CRB1: variants seen among roughly 807,000 people sequenced by gnomAD.
The protein encoded by CRB1 is crumbs cell polarity complex component 1.
In CRB1, 83 loss-of-function variants were observed where a neutral mutation model predicts 120.0. That is an observed-to-expected ratio of 0.69 (90% confidence interval 0.58 to 0.83). The LOEUF is 0.83. CRB1 is among the 40% of genes least tolerant of loss of function. The pLI is 0.00. For synonymous variants in CRB1, 625 were observed against 612.5 expected (o/e 1.02, Z -0.30); for missense variants, 1,699 against 1,687.6 (o/e 1.01, Z -0.12).
the CRB1 span, among the ~76,000 whole-genome samples, chr1:197,239,903 A>C: frequency 2.0e-5 from 3 of 149,232 alleles, no homozygotes; most frequent in African/African-American, 7.3e-5. Context: ...ATTATAATTT[A>C]TAATTATTAT....
chr1:197,317,710 A>AT (rs1157253108), intron 1 of CRB1, among the ~76,000 whole-genome samples: 1 of 152,208 alleles, frequency 6.6e-6, no homozygotes, highest in Non-Finnish European at 1.5e-5. Flanking sequence ...CGGCCCACTA[A>AT]TTTTTGACAA....
At chr1:197,403,184 T>C (rs1663155521) in intron 5 of CRB1, among the ~76,000 whole-genome samples, 3 of 152,218 alleles carry the variant, frequency 2.0e-5, no homozygotes, top group South Asian at 2.1e-4. Flanking sequence ...AATGTATGTA[T>C]GTATATGTAT....
At chr1:197,383,912 T>G (rs1189100845) in intron 5 of CRB1, among the ~76,000 whole-genome samples, 1 of 152,204 alleles carries the variant, frequency 6.6e-6, no homozygotes, top group East Asian at 1.9e-4. Context: ...TTATGAACAA[T>G]GGCTACTGAG....
chr1:197,392,111 G>A (rs1662536524), intron 5 of CRB1, among the ~76,000 whole-genome samples: 1 of 151,958 alleles, frequency 6.6e-6, no homozygotes, highest in African/African-American at 2.4e-5. Context: ...CAGCTGGGTA[G>A]CTTCTCACTA....
Position 197,435,121 on chromosome 1 carries a change from T to A in CRB1, c.3258T>A (p.Ala1086=), listed in dbSNP as rs535494663. The stretch of plus-strand genomic sequence containing the variant: ...CAGATATTTATGTGGGAGACAGAGC[T>A]ATTGACAATATAAAGGGCCTGCAAG... The part of the protein sequence containing the change: ...DNTDIYVGDR[A]IDNIKGLQGC... Residue 1086 remains alanine, a synonymous_variant, in exon 9 of 12, where the codon GCT becomes GCA. Transcript: ENST00000367400. 3.6e-4 allele frequency: 586 copies of A among 1,613,938 alleles called. 7 individuals carry two copies. In the South Asian group the frequency reaches 6.1e-3, roughly 17 times the overall value.
rs768107603 is a variant in CRB1 at position 197,421,479 on chromosome 1, C to T, written c.1651C>T (p.Gln551Ter). The T allele has an allele frequency of 1.9e-6, 3 of 1,614,224 alleles. No homozygotes were observed. In the South Asian group the frequency reaches 3.3e-5, roughly 18 times the overall value. The stretch of plus-strand genomic sequence containing the variant: ...TCACTTATCAATTCAGGTCAATAAT[C>T]AGTCAAAGGTGCTTCTGTTCATTTC... ...YIHLSIQVNN[Q>*]SKVLLFISHN... The change falls in exon 6 of 12, where the codon CAG (glutamine) becomes TAG (stop). Residue 551 changes from glutamine to a stop codon, truncating the protein, a stop_gained. Coordinates refer to ENST00000367400, the MANE Select transcript of CRB1 (RefSeq NM_201253.3). LOFTEE classifies it high-confidence loss of function.
the CRB1 span, among the ~76,000 whole-genome samples, chr1:197,214,317 A>G: frequency 6.6e-6 from 1 of 152,142 alleles, no homozygotes; most frequent in African/African-American, 2.4e-5. Context: ...TTTTTTTTCA[A>G]TATATACAGT....
intron 11 of CRB1, chr1:197,444,931 A>ACACC (rs1470676083): frequency 6.6e-6 from 1 of 151,662 alleles, no homozygotes; most frequent in Non-Finnish European, 1.5e-5. Context: ...ACACACACAC[A>ACACC]CACCACAGAA....
chr1:197,220,506 TG>T, the CRB1 span, among the ~76,000 whole-genome samples: 2 of 152,030 alleles, frequency 1.3e-5, no homozygotes, highest in Non-Finnish European at 2.9e-5. Context: ...GCAGGGAGGG[TG>T]TCAGACCATG....
At chr1:197,256,950 TG>T in the CRB1 span, among the ~76,000 whole-genome samples, 1 of 151,592 alleles carries the variant, frequency 6.6e-6, no homozygotes, top group Non-Finnish European at 1.5e-5. Context: ...TGTGTGTGTG[TG>T]TGTGTGTGTG....
chr1:197,338,218 A>G (rs1347730565), intron 2 of CRB1, among the ~76,000 whole-genome samples: 2 of 152,134 alleles, frequency 1.3e-5, no homozygotes, highest in Non-Finnish European at 1.5e-5. Context: ...GGGTGTATAT[A>G]TATGTATAAA....
chr1:197,456,604 A>G (rs903489535), intron 11 of CRB1, among the ~76,000 whole-genome samples: 1 of 152,242 alleles, frequency 6.6e-6, no homozygotes, highest in Middle Eastern at 3.4e-3. Context: ...AAACATTTCC[A>G]TCTAAGAACC....
intron 9 of CRB1, among the ~76,000 whole-genome samples, 190 bp from the exon 10 acceptor site, chr1:197,438,357 C>A (rs1389793622): frequency 1.3e-5 from 2 of 152,156 alleles, no homozygotes; most frequent in African/African-American, 4.8e-5. Flanking sequence ...TGTCACAGAA[C>A]CCTCCAGCAG....
At chr1:197,345,942 C>A (rs1659746669) in intron 3 of CRB1, among the ~76,000 whole-genome samples, 1 of 152,240 alleles carries the variant, frequency 6.6e-6, no homozygotes, top group South Asian at 2.1e-4. Flanking sequence ...TTCCTGGAGA[C>A]AGGTAACTGG....
At chr1:197,231,762 A>G in the CRB1 span, among the ~76,000 whole-genome samples, 5 of 152,208 alleles carry the variant, frequency 3.3e-5, no homozygotes, top group South Asian at 2.1e-4. Flanking sequence ...ACTGTTTGCA[A>G]TCAGGAACAT....
chr1:197,208,054 T>C, the CRB1 span, among the ~76,000 whole-genome samples: 1 of 152,136 alleles, frequency 6.6e-6, no homozygotes, highest in African/African-American at 2.4e-5. Flanking sequence ...AGTATGTCCT[T>C]CATTTCCAGA....
chr1:197,354,702 A>G (rs997123382), intron 4 of CRB1, among the ~76,000 whole-genome samples: 1 of 151,684 alleles, frequency 6.6e-6, no homozygotes, highest in African/African-American at 2.4e-5. Context: ...AGTGGGCAAC[A>G]GCAAGAGTTA....
chr1:197,293,750 A>G (rs1270922386), intron 1 of CRB1, among the ~76,000 whole-genome samples: 1 of 152,160 alleles, frequency 6.6e-6, no homozygotes, highest in African/African-American at 2.4e-5. Context: ...GCCCTCAGAA[A>G]TAATACCACA....
Position 197,302,223 on chromosome 1 carries a change from C to A in CRB1, c.71-26199C>A, listed in dbSNP as rs550704851. Among the ~76,000 whole-genome samples, 6 of 152,274 alleles carry A rather than the reference C, an allele frequency of 3.9e-5. No homozygotes were observed. The East Asian group carries it at 9.6e-4, about 24-fold the overall frequency. On this transcript the variant is annotated intron_variant, in intron 1 of 11. Coordinates refer to ENST00000367400, the MANE Select transcript of CRB1 (RefSeq NM_201253.3). ...GTCAACATGGAGGCAAGACCCTCCA[C>A]CAGCAAAAAGATTATGACTTGCTAA...
Sources: allele counts gnomAD v4.1 joint callset (sites outside exome capture counted in the v4.1 genomes callset), GRCh38; gene constraint gnomAD v4.1.1; transcripts MANE v1.5; gene names NCBI Gene and HGNC (gene_info 2026-07-23, HGNC 2026-07-21).